The following SNX29 variants were observed in gnomAD, a reference collection of about 807,000 sequenced individuals.
The protein encoded by SNX29 is sorting nexin 29.
In SNX29, 78 loss-of-function variants were observed where a neutral mutation model predicts 102.1. The observed-to-expected ratio is 0.76, with a 90% CI of 0.64 to 0.92. The LOEUF (loss-of-function observed/expected upper bound fraction) is 0.92, where lower values mean the gene tolerates loss of function less well. Ranked by LOEUF, SNX29 falls within the 40% of genes least tolerant of loss-of-function variation. The pLI is 0.00. For missense variants in SNX29, 1,280 were observed against 1,061.7 expected, an observed-to-expected ratio of 1.21 and a Z score of -2.86; for synonymous variants, 580 against 414.5, an observed-to-expected ratio of 1.40 and a Z score of -4.85.
At chr16:12,073,378 T>C (rs986863819) in intron 10 of SNX29, among the ~76,000 whole-genome samples, 1 of 152,230 alleles carries the variant, frequency 6.6e-6, no homozygotes, top group Non-Finnish European at 1.5e-5. Context: ...TGTGTCTTTG[T>C]TCTCGTTGGT....
intron 4 of SNX29, chr16:12,029,610 T>TTTC (rs1491482228): frequency 4.8e-6 from 2 of 417,246 alleles, no homozygotes; most frequent in Non-Finnish European, 9.4e-6. Context: ...TTTTTTTTTT[T>TTTC]AGATGGAGCC....
At chr16:12,389,272 T>C (rs1241498533) in intron 16 of SNX29, among the ~76,000 whole-genome samples, 1 of 152,196 alleles carries the variant, frequency 6.6e-6, no homozygotes, top group African/African-American at 2.4e-5. Context: ...ATGGATTGGC[T>C]GTGTCCCCAC....
Position 12,030,498 on chromosome 16 carries a change from C to T in SNX29, c.247+3054C>T, listed in dbSNP as rs369492446. ...CTTCTCCCTCTTCTCTGCCCCAAAACCAGTCCCACAAAGAGCATTGTTTTC... is the reference window on the plus strand; with the variant it reads ...CTTCTCCCTCTTCTCTGCCCCAAAATCAGTCCCACAAAGAGCATTGTTTTC... On this transcript the variant is annotated intron_variant, in intron 4 of 20. Transcript: ENST00000566228. Among the ~76,000 whole-genome samples the T allele has an allele frequency of 9.2e-5, 14 of 152,310 alleles. No individual in the cohort carries two copies. In the South Asian group the frequency reaches 2.9e-3, roughly 32 times the overall value.
chr16:12,061,948 C>T (rs1038633037), intron 9 of SNX29, among the ~76,000 whole-genome samples: 3 of 152,260 alleles, frequency 2.0e-5, no homozygotes, highest in South Asian at 2.1e-4. Context: ...TGAACTTGGT[C>T]GTTTAAAAGC....
chr16:12,500,983 G>A (rs986564227), intron 19 of SNX29, among the ~76,000 whole-genome samples: 11 of 152,182 alleles, frequency 7.2e-5, no homozygotes, highest in African/African-American at 2.4e-4. Context: ...GTGACTGTGT[G>A]TTATGTTGTC....
At chr16:12,078,978 G>T in intron 11 of SNX29, 63 bp downstream of exon 11, 1 of 1,413,562 alleles carries the variant, frequency 7.1e-7, no homozygotes. Flanking sequence ...GTCTCATGGC[G>T]GTGCCTTTGT....
chr16:12,093,285 C>A (rs1023989303), intron 11 of SNX29, among the ~76,000 whole-genome samples: 8 of 152,164 alleles, frequency 5.3e-5, no homozygotes, highest in African/African-American at 1.7e-4. Context: ...ATGGAAAGAA[C>A]ATGGGTCAGG....
intron 15 of SNX29, among the ~76,000 whole-genome samples, chr16:12,303,923 G>A (rs970743884): frequency 4.6e-5 from 7 of 152,200 alleles, no homozygotes; most frequent in African/African-American, 1.7e-4. Context: ...TCCCCCAGCT[G>A]AGCCTGTCTT....
intron 1 of SNX29, among the ~76,000 whole-genome samples, chr16:11,991,385 C>T (rs938922164): frequency 7.2e-5 from 11 of 152,040 alleles, no homozygotes; most frequent in Non-Finnish European, 1.2e-4. Context: ...GGGCCTTTGC[C>T]GTGAGACTTG....
chr16:12,515,597 C>T, intron 19 of SNX29: 1 of 489,286 alleles, frequency 2.0e-6, no homozygotes, highest in Non-Finnish European at 4.1e-6. Context: ...CTTCAGGTGA[C>T]CTCCGAAGTC....
chr16:12,321,154 A>G (rs1205377902), intron 15 of SNX29, among the ~76,000 whole-genome samples: 1 of 151,886 alleles, frequency 6.6e-6, no homozygotes, highest in Non-Finnish European at 1.5e-5. Context: ...CAGCTGCCAC[A>G]CTGCTCTGTT....
chr16:12,171,046 TGGAG>T (rs1294217707), intron 13 of SNX29, among the ~76,000 whole-genome samples: 2 of 151,960 alleles, frequency 1.3e-5, no homozygotes, highest in African/African-American at 4.8e-5. Flanking sequence ...GAGGAGAGCT[TGGAG>T]GGACCTTTCA....
At position 12,027,379 on chromosome 16, in the gene SNX29, G is replaced by T. The variant is rs749934100; in HGVS notation, c.182G>T (p.Arg61Leu). Residue 61 changes from arginine (R) to leucine (L), a missense_variant, in exon 4 of 21, where the codon CGA (arginine) becomes CTA (leucine). Physicochemically the swap from Arg to Leu is moderately radical, Grantham distance 102. Coordinates refer to ENST00000566228, the MANE Select transcript of SNX29 (RefSeq NM_032167.5). ...AVLQHGLKRSRGLALTAAAIK... is the reference protein window; with the variant it reads ...AVLQHGLKRSLGLALTAAAIK... ...CTGCAGCATGGCTTGAAGAGGAGTC[G>T]AGGATTGGCACTCACAGCGGCAGCG... is the stretch of plus-strand genomic sequence containing the variant. 1.9e-6 allele frequency: 3 copies of T among 1,613,998 alleles called. No individual in the cohort carries two copies. The highest frequency in any genetic ancestry group is 2.7e-5 in the African/African-American group (2 of 74,916).
rs553403213 is a variant in SNX29, at chr16:12,258,376, C to G, written c.1679-19557C>G. On this transcript the variant is annotated intron_variant, in intron 14 of 20. Transcript: ENST00000566228. ...ATTCCCTTTGCCAGAACATTCCCCCCGTGATAGCCCCATGATGGAGCTTCG... is the reference window on the plus strand; with the variant it reads ...ATTCCCTTTGCCAGAACATTCCCCCGGTGATAGCCCCATGATGGAGCTTCG... Among the ~76,000 whole-genome samples, 11 of 152,234 alleles carry G rather than the reference C, an allele frequency of 7.2e-5. No homozygotes were observed. In the East Asian group the frequency reaches 2.1e-3, roughly 29 times the overall value.
intron 1 of SNX29, among the ~76,000 whole-genome samples, chr16:11,996,413 T>A (rs2056075419): frequency 1.3e-5 from 2 of 152,172 alleles, no homozygotes; most frequent in African/African-American, 4.8e-5. Flanking sequence ...TGCTGCTTTT[T>A]AACAAGATCT....
At chr16:12,476,431 TATATATATATATG>T (rs2087652894) in intron 18 of SNX29, among the ~76,000 whole-genome samples, 1 of 87,910 alleles carries the variant, frequency 1.1e-5, no homozygotes, top group African/African-American at 4.6e-5. Flanking sequence ...TATATATATA[TATATATATATATG>T]ATGAGAATTG....
chr16:12,144,978 C>T (rs1248604490), intron 13 of SNX29, among the ~76,000 whole-genome samples: 3 of 152,238 alleles, frequency 2.0e-5, no homozygotes, highest in South Asian at 2.1e-4. Context: ...GCCTCGGCCT[C>T]CCAAAGTGCT....
At chr16:12,022,868 G>A (rs2057070608) in intron 3 of SNX29, among the ~76,000 whole-genome samples, 1 of 146,892 alleles carries the variant, frequency 6.8e-6, no homozygotes, top group African/African-American at 2.5e-5. Flanking sequence ...GTTCTTCCAT[G>A]TTGTAGCATG....
chr16:12,256,268 T>G (rs1454462242), intron 14 of SNX29, among the ~76,000 whole-genome samples: 1 of 152,216 alleles, frequency 6.6e-6, no homozygotes, highest in African/African-American at 2.4e-5. Flanking sequence ...ATTTTGGATA[T>G]TAACCCCTTA....
Sources: gnomAD v4.1 joint callset for allele counts (sites outside exome capture counted in the v4.1 genomes callset) on GRCh38, gnomAD v4.1.1 for gene constraint, MANE v1.5 for transcripts, NCBI Gene and HGNC (gene_info 2026-07-23, HGNC 2026-07-21) for gene names.